Variants in DHRS4L2 observed in about 807,000 individuals in gnomAD.
DHRS4L2 encodes dehydrogenase/reductase 4 like 2, also known as dehydrogenase/reductase SDR family member 4-like 2.
In DHRS4L2, 22 loss-of-function variants were observed where a neutral mutation model predicts 23.9. That is an observed-to-expected ratio of 0.92 (90% CI 0.66 to 1.31). The LOEUF is 1.31. Among genes scored for constraint, DHRS4L2 ranks in the 40% most tolerant of loss-of-function variants. The pLI, the probability that DHRS4L2 is intolerant of heterozygous loss-of-function variation, is 0.00. For missense variants in DHRS4L2, 385 were observed against 303.3 expected (o/e 1.27, Z -2.00); for synonymous variants, 141 against 123.7 (o/e 1.14, Z -0.93).
chr14:23,989,507 A>G (rs1274116601), intron 1 of DHRS4L2, among the ~76,000 whole-genome samples: 1 of 151,582 alleles, frequency 6.6e-6, no homozygotes, highest in African/African-American at 2.4e-5. Context: ...CCTAGATGGG[A>G]CACCAGAGCC....
Position 24,001,412 on chromosome 14 carries a change from C to A in DHRS4L2, c.560C>A (p.Thr187Lys). ...TTCAGTCCTTACAATGTCAGTAAAA[C>A]AGCCTTGCTGGGCCTCAACAATACC... Reference protein sequence around the residue: ...PGFSPYNVSKTALLGLNNTLA... With the variant: ...PGFSPYNVSKKALLGLNNTLA... Residue 187 changes from threonine to lysine, a missense_variant, in exon 6 of 8, where the codon ACA becomes AAA. Thr to Lys is a moderately conservative substitution (Grantham distance 78, BLOSUM62 -1). Transcript: ENST00000335125. The A allele has an allele frequency of 6.2e-7, 1 of 1,607,936 alleles. No individual in the cohort carries two copies. Among genetic ancestry groups the A allele is most frequent in the Non-Finnish European group, 8.5e-7 (1 of 1,179,370 alleles).
Position 24,001,495 on chromosome 14 carries a change from T to C in DHRS4L2, c.643T>C (p.Ser215Pro). ...GGTGAACTGCCTGCACCTGGACTTA[T>C]CAAGACTAGCTTCAGCAGGATGGTG... ...IRVNCLHLDL[S>P]RLASAGCSGW... Residue 215 changes from serine (S) to proline (P), a missense_variant, in exon 6 of 8, where the codon TCA (serine) becomes CCA (proline). Coordinates refer to ENST00000335125, the MANE Select transcript of DHRS4L2 (RefSeq NM_198083.4). 6.2e-6 allele frequency: 10 copies of C among 1,603,390 alleles called. No homozygotes were observed. The highest frequency in any genetic ancestry group is 7.6e-6 in the Non-Finnish European group (9 of 1,177,602).
At chr14:23,998,574 G>A (rs1323911865) in intron 3 of DHRS4L2, among the ~76,000 whole-genome samples, 1 of 151,118 alleles carries the variant, frequency 6.6e-6, no homozygotes, top group Non-Finnish European at 1.5e-5. Context: ...GCACTTTTAT[G>A]TTACAGAGGT....
chr14:23,994,904 C>T, intron 2 of DHRS4L2, 128 bp from the exon 3 acceptor site: 1 of 1,170,662 alleles, frequency 8.5e-7, no homozygotes, highest in South Asian at 1.5e-5. Context: ...CCACCTTGGC[C>T]TCCCAAAGTG....
At chr14:23,982,199 G>A (rs562974276) in intron 1 of DHRS4L2, among the ~76,000 whole-genome samples, 1 of 151,790 alleles carries the variant, frequency 6.6e-6, no homozygotes, top group Non-Finnish European at 1.5e-5. Context: ...GCTTTCCGCA[G>A]TGCATTGTGC....
intron 1 of DHRS4L2, among the ~76,000 whole-genome samples, chr14:23,970,842 G>C (rs1404943391): frequency 6.6e-6 from 1 of 152,014 alleles, no homozygotes; most frequent in Non-Finnish European, 1.5e-5. Context: ...ATAAGGTCTG[G>C]AATGGACTTC....
In DHRS4L2 at chr14:23,990,246, A is replaced by C. The variant is rs150079702; in HGVS notation, c.193A>C (p.Lys65Gln). The C allele has an allele frequency of 4.2e-5, 67 of 1,612,726 alleles. 2 individuals are homozygous for C. The highest frequency in any genetic ancestry group is 5.1e-5 in the Non-Finnish European group (60 of 1,179,380). The change falls in exon 2 of 8, where the codon AAG becomes CAG. Residue 65 changes from lysine to glutamine, a missense_variant. Lys to Gln is a moderately conservative substitution (Grantham distance 53). Transcript: ENST00000335125. ...GGCCCACGTGGTCGTCAGCAGCCGGAAGCAGCAGAATGTGGACCAGGCGGT... is the reference window on the plus strand; with the variant it reads ...GGCCCACGTGGTCGTCAGCAGCCGGCAGCAGCAGAATGTGGACCAGGCGGT... ...DRAHVVVSSR[K>Q]QQNVDQAVAT...
upstream of DHRS4L2, among the ~76,000 whole-genome samples, chr14:23,985,682 A>G (rs2034126616): frequency 6.6e-6 from 1 of 151,522 alleles, no homozygotes; most frequent in Non-Finnish European, 1.5e-5. Flanking sequence ...CCACATATGT[A>G]TGTATTTCCC....
At chr14:23,987,162 C>T (rs2034161985), upstream of DHRS4L2, 1 of 320,632 alleles carries the variant, frequency 3.1e-6, no homozygotes, top group South Asian at 2.3e-5. Context: ...ACAGAGTCTC[C>T]ATCTGTCGCT....
intron 2 of DHRS4L2, among the ~76,000 whole-genome samples, chr14:23,991,794 T>C (rs1163249800): frequency 1.3e-5 from 2 of 150,624 alleles, no homozygotes; most frequent in Admixed American, 6.6e-5. Context: ...TGAAGTGATA[T>C]GGCACAATCT....
rs944844953 is a variant in DHRS4L2, at chr14:23,992,240, G to T, written c.306+1881G>T. 5.9e-5 allele frequency among the ~76,000 whole-genome samples: 9 copies of T among 151,560 alleles called. 1 individual carries two copies. The highest frequency in any genetic ancestry group is 2.2e-4 in the African/African-American group (9 of 41,290). ...GGGCATCAGTGAGGAAGCTGTTGCT[G>T]TCGTCCAGGTTTAGAGCAGTGGCGG... is the stretch of plus-strand genomic sequence containing the variant. On this transcript the variant is annotated intron_variant, in intron 2 of 7. Transcript: ENST00000335125.
upstream of DHRS4L2, among the ~76,000 whole-genome samples, chr14:23,986,557 A>C (rs549008608): frequency 3.3e-5 from 5 of 151,418 alleles, no homozygotes; most frequent in Middle Eastern, 3.4e-3. Context: ...GCTGGAGGCC[A>C]AATAGCAACC....
intron 1 of DHRS4L2, 95 bp from the exon 2 acceptor site, chr14:23,990,086 AG>A (rs1350644448): frequency 6.4e-7 from 1 of 1,552,998 alleles, no homozygotes; most frequent in Non-Finnish European, 8.7e-7. Context: ...AGAAAGAGCC[AG>A]AATTCAAACC....
chr14:23,973,219 G>C (rs1032638235), intron 1 of DHRS4L2, among the ~76,000 whole-genome samples: 7 of 151,942 alleles, frequency 4.6e-5, no homozygotes, highest in Non-Finnish European at 1.0e-4. Flanking sequence ...CTATCACATG[G>C]GGAGAAACCT....
chr14:23,980,598 T>G (rs574515110), intron 1 of DHRS4L2, among the ~76,000 whole-genome samples: 8 of 148,916 alleles, frequency 5.4e-5, no homozygotes, highest in Middle Eastern at 3.4e-3. Context: ...TCAAAAAGCT[T>G]ATCCACCATG....
Position 23,990,367 on chromosome 14 carries a change from G to A in DHRS4L2, c.306+8G>A, listed in dbSNP as rs1312717856. 1.9e-6 allele frequency: 3 copies of A among 1,607,454 alleles called. No individual in the cohort carries two copies. The highest frequency in any genetic ancestry group is 2.2e-5 in the East Asian group (1 of 44,738). ...GAGCGGCTGGTGGCCATGGTGAGCTGCAGGGAAATGGGCACAGAGCCAGGA... is the reference window on the plus strand; with the variant it reads ...GAGCGGCTGGTGGCCATGGTGAGCTACAGGGAAATGGGCACAGAGCCAGGA... On this transcript the variant is annotated splice_region_variant and intron_variant, in intron 2 of 7. Coordinates refer to ENST00000335125, the MANE Select transcript of DHRS4L2 (RefSeq NM_198083.4).
upstream of DHRS4L2, among the ~76,000 whole-genome samples, chr14:23,987,916 C>A (rs1169093620): frequency 6.6e-6 from 1 of 151,400 alleles, no homozygotes; most frequent in Non-Finnish European, 1.5e-5. Context: ...TTTATTCATT[C>A]TCCCGGAAAC....
At chr14:23,977,863 C>G (rs1319935545) in intron 1 of DHRS4L2, among the ~76,000 whole-genome samples, 2 of 151,662 alleles carry the variant, frequency 1.3e-5, no homozygotes, top group Admixed American at 1.3e-4. Context: ...TTAATTGTAT[C>G]CTTCCCAAAA....
chr14:23,991,377 G>C (rs975667287), intron 2 of DHRS4L2, among the ~76,000 whole-genome samples: 27 of 151,768 alleles, frequency 1.8e-4, no homozygotes, highest in African/African-American at 6.0e-4. Flanking sequence ...CCTTGATCCT[G>C]ATGGTGGAAG....
Sources: allele counts gnomAD v4.1 joint callset (sites outside exome capture counted in the v4.1 genomes callset), GRCh38; gene constraint gnomAD v4.1.1; transcripts MANE v1.5; gene names NCBI Gene and HGNC (gene_info 2026-07-23, HGNC 2026-07-21).